Variants in PRKAR1B observed in about 807,000 individuals in gnomAD.
PRKAR1B encodes the protein cAMP-dependent protein kinase type I-beta regulatory subunit.
PRKAR1B carries 22 observed loss-of-function variants against 46.5 expected under a neutral mutation model. The ratio of observed to expected loss-of-function variants is 0.47; its 90% CI spans 0.34 to 0.68. The LOEUF is 0.68. Ranked by LOEUF, PRKAR1B falls within the 30% of genes least tolerant of loss-of-function variation. The probability of loss-of-function intolerance (pLI) is 0.01; values close to 1 mark genes in which losing one functional copy is unlikely to be tolerated. For missense variants in PRKAR1B, 445 were observed against 535.6 expected (o/e 0.83, Z 1.67); for synonymous variants, 259 against 217.7 (o/e 1.19, Z -1.67).
At chr7:721,311 A>G (rs1054140417) in intron 1 of PRKAR1B, among the ~76,000 whole-genome samples, 15 of 152,304 alleles carry the variant, frequency 9.8e-5, no homozygotes, top group African/African-American at 2.9e-4. Context: ...TATCCAGTCC[A>G]TTGTCTCAAC....
At chr7:687,242 A>G (rs1779141152) in intron 2 of PRKAR1B, among the ~76,000 whole-genome samples, 1 of 152,264 alleles carries the variant, frequency 6.6e-6, no homozygotes, top group Non-Finnish European at 1.5e-5. Context: ...GAGAAGCAAA[A>G]GACAATACAA....
chr7:688,917 T>C lies in PRKAR1B; in HGVS notation c.178-8191A>G, dbSNP rs142306882. Among the ~76,000 whole-genome samples, 325 of 152,300 alleles carry C rather than the reference T, an allele frequency of 2.1e-3. 1 individual carries two copies. The highest frequency in any genetic ancestry group is 3.7e-3 in the Non-Finnish European group (253 of 68,024). The stretch of plus-strand genomic sequence containing the variant: ...GCGCCTGCATACAGTAAATGCTTAA[T>C]ACATATTTGTTAAATAAATATCAAA... On this transcript the variant is annotated intron_variant, in intron 2 of 10. Coordinates refer to ENST00000537384, the MANE Select transcript of PRKAR1B (RefSeq NM_001164760.2).
chr7:592,053 G>A lies in PRKAR1B; in HGVS notation c.708+4093C>T, dbSNP rs374267885. Among the ~76,000 whole-genome samples, 55 of 152,300 alleles carry A rather than the reference G, an allele frequency of 3.6e-4. No homozygotes were observed. In the East Asian group the frequency reaches 6.0e-3, roughly 17 times the overall value. ...GGAGCAGGGGTCGCCAGCTGTGAAC[G>A]GTGCCCACTTTTCCTCCCACCAGGG... On this transcript the variant is annotated intron_variant, in intron 7 of 10. Transcript: ENST00000537384.
At chr7:682,637 C>T (rs1229627654) in intron 2 of PRKAR1B, among the ~76,000 whole-genome samples, 3 of 151,924 alleles carry the variant, frequency 2.0e-5, no homozygotes, top group Non-Finnish European at 4.4e-5. Context: ...CCCAGCTACT[C>T]CGGAGGCTGA....
At chr7:582,157 C>T (rs1363811466) in intron 8 of PRKAR1B, among the ~76,000 whole-genome samples, 1 of 128,964 alleles carries the variant, frequency 7.8e-6, no homozygotes, top group African/African-American at 3.0e-5. Flanking sequence ...CTGCGTGCAC[C>T]TGCCCAGGGG....
chr7:584,515 G>A lies in PRKAR1B; in HGVS notation c.762C>T (p.Ser254=), dbSNP rs775337491. 4.3e-6 allele frequency: 7 copies of A among 1,613,728 alleles called. No homozygotes were observed. The highest frequency in any genetic ancestry group is 1.6e-4 in the Middle Eastern group (1 of 6,084). Residue 254 remains serine, a synonymous_variant, in exon 8 of 11, where the codon TCC becomes TCT. Transcript: ENST00000537384. ...AGGGGCGCAGCCACTGACCTAGGATGGAGACCTTGCTGAGGAACTCCTCGT... is the reference window on the plus strand; with the variant it reads ...AGGGGCGCAGCCACTGACCTAGGATAGAGACCTTGCTGAGGAACTCCTCGT... ...KMYEEFLSKV[S]ILESLEKWER... is the part of the protein sequence containing the mutation.
intron 4 of PRKAR1B, among the ~76,000 whole-genome samples, chr7:630,259 T>C (rs1583325161): frequency 6.6e-6 from 1 of 152,208 alleles, no homozygotes; most frequent in South Asian, 2.1e-4. Context: ...TCCTAGCAGG[T>C]GAGCAGCTGA....
Position 715,872 on chromosome 7 carries a change from C to T in PRKAR1B, c.-22-4345G>A, listed in dbSNP as rs1780857260. 2.0e-5 allele frequency among the ~76,000 whole-genome samples: 3 copies of T among 151,978 alleles called. No individual in the cohort carries two copies. The South Asian group carries it at 6.2e-4, about 32-fold the overall frequency. The stretch of plus-strand genomic sequence containing the variant: ...CTGGGACTACAGGCGCCCGCCACCG[C>T]GCCCGGCTAATTTTTTGTATTTTTA... On this transcript the variant is annotated intron_variant, in intron 1 of 10. Coordinates refer to ENST00000537384, the MANE Select transcript of PRKAR1B (RefSeq NM_001164760.2).
chr7:641,131 T>C (rs1482158873), intron 4 of PRKAR1B, among the ~76,000 whole-genome samples: 6 of 152,068 alleles, frequency 3.9e-5, no homozygotes, highest in African/African-American at 1.4e-4. Flanking sequence ...TTTTTGTATT[T>C]TTAGTAGAGA....
intron 4 of PRKAR1B, among the ~76,000 whole-genome samples, chr7:662,881 C>T (rs183680070): frequency 1.3e-5 from 2 of 152,170 alleles, no homozygotes; most frequent in African/African-American, 2.4e-5. Context: ...ACCCTCGGAG[C>T]GGCCACAGCA....
At chr7:554,370 C>T (rs1055810755) in intron 9 of PRKAR1B, among the ~76,000 whole-genome samples, 2 of 152,272 alleles carry the variant, frequency 1.3e-5, no homozygotes, top group African/African-American at 4.8e-5. Flanking sequence ...CAGACGTCAT[C>T]GATGCTCCCT....
chr7:640,803 CACACAG>C (rs879663936), intron 4 of PRKAR1B, among the ~76,000 whole-genome samples: 17,522 of 129,760 alleles, frequency 0.14, 1,283 homozygotes, highest in African/African-American at 0.2. Context: ...CACACACACA[CACACAG>C]ACACAAATGA....
chr7:606,950 A>C (rs1007905977), intron 5 of PRKAR1B, among the ~76,000 whole-genome samples: 1 of 152,182 alleles, frequency 6.6e-6, no homozygotes, highest in African/African-American at 2.4e-5. Context: ...ATACGTGCAT[A>C]TATATGTAGA....
At chr7:604,258 T>A (rs1185432711) in intron 6 of PRKAR1B, among the ~76,000 whole-genome samples, 1 of 152,208 alleles carries the variant, frequency 6.6e-6, no homozygotes, top group Non-Finnish European at 1.5e-5. Flanking sequence ...CTAGGCTTTT[T>A]TTAAACTCGA....
intron 4 of PRKAR1B, among the ~76,000 whole-genome samples, chr7:612,464 A>C (rs1782577675): frequency 6.6e-6 from 1 of 150,404 alleles, no homozygotes; most frequent in South Asian, 2.1e-4. Flanking sequence ...TAGTGGATGG[A>C]TGGATGGATG....
chr7:713,198 G>A (rs1017253769), intron 1 of PRKAR1B: 12 of 152,356 alleles, frequency 7.9e-5, no homozygotes, highest in Admixed American at 2.0e-4. Context: ...GGGTGGCGGC[G>A]GCAGAAACTC....
At chr7:716,687 G>A (rs1352104196) in intron 1 of PRKAR1B, 1 of 152,238 alleles carries the variant, frequency 6.6e-6, no homozygotes, top group Non-Finnish European at 1.5e-5. Flanking sequence ...CTGGGGTGCA[G>A]AAAGGAAACA....
intron 4 of PRKAR1B, among the ~76,000 whole-genome samples, chr7:674,680 T>G (rs1456426306): frequency 6.6e-6 from 1 of 151,674 alleles, no homozygotes; most frequent in African/African-American, 2.4e-5. Context: ...ATCTAGCCAC[T>G]CGTCATGCCC....
intron 4 of PRKAR1B, among the ~76,000 whole-genome samples, chr7:623,728 T>C (rs1783232499): frequency 6.6e-6 from 1 of 152,214 alleles, no homozygotes; most frequent in African/African-American, 2.4e-5. Context: ...AAGACCCCAT[T>C]GCAGTGATCC....
Sources: allele counts gnomAD v4.1 joint callset (sites outside exome capture counted in the v4.1 genomes callset), GRCh38; gene constraint gnomAD v4.1.1; transcripts MANE v1.5; gene names NCBI Gene and HGNC (gene_info 2026-07-23, HGNC 2026-07-21).